The following FLNB variants were observed in gnomAD, a reference collection of about 807,000 sequenced individuals.
FLNB encodes filamin-B.
A neutral mutation model predicts 250.6 loss-of-function variants in FLNB; 111 were observed. The observed-to-expected ratio is 0.44, with a 90% CI of 0.38 to 0.52. FLNB has a LOEUF of 0.52. FLNB is among the 20% of genes least tolerant of loss of function. The pLI, the probability that FLNB is intolerant of heterozygous loss-of-function variation, is 0.00. For missense variants in FLNB, 2,869 were observed against 3,447.8 expected, an observed-to-expected ratio of 0.83 and a Z score of 4.20; for synonymous variants, 1,302 against 1,372.1, an observed-to-expected ratio of 0.95 and a Z score of 1.13.
At position 58,171,682 on chromosome 3, in the gene FLNB, A is replaced by G. The variant is rs1375095986; in HGVS notation, c.*920A>G. ...GCCCATGGATTAACGCCCTCATCCCAAGGTCCGTCCCATGACATAACACTC... is the reference window on the plus strand; with the variant it reads ...GCCCATGGATTAACGCCCTCATCCCGAGGTCCGTCCCATGACATAACACTC... On this transcript the variant is annotated 3_prime_UTR_variant, in exon 46 of 46. Transcript: ENST00000295956. The surrounding 1 kb of genome is among the most constrained non-coding windows in gnomAD (Gnocchi z 5.5). The G allele has an allele frequency of 6.6e-6, 1 of 152,356 alleles. No homozygotes were observed. The highest frequency in any genetic ancestry group is 1.5e-5 in the Non-Finnish European group (1 of 68,180). The allele number at this position is 152,356 out of a possible 1,614,324, so 9.4% of individuals were successfully genotyped here. A position where few individuals can be genotyped will look rare whatever the true frequency, so the allele number is the denominator to read the frequency against.
rs772831875 is a variant in FLNB at position 58,110,174 on chromosome 3, C to T, written c.2484+4C>T. Reference sequence around the variant, plus strand: ...CAAAGTTCTCTTTGCATCTCAGGTACGTGGTGGGGCCTGGGAGGAGATGGG... The same window carrying T: ...CAAAGTTCTCTTTGCATCTCAGGTATGTGGTGGGGCCTGGGAGGAGATGGG... On this transcript the variant is annotated splice_donor_region_variant and intron_variant, in intron 16 of 45. Transcript: ENST00000295956. 9.3e-6 allele frequency: 15 copies of T among 1,614,036 alleles called. No individual in the cohort carries two copies. The South Asian group carries it at 1.2e-4, about 13-fold the overall frequency.
Position 58,142,555 on chromosome 3 carries a change from T to G in FLNB, c.5182-95T>G. ...CCGCATTCCCAAATCCCGGCCTCACTGGCTTGTAGAATTCCCAGCAGCTCT... is the reference window on the plus strand; with the variant it reads ...CCGCATTCCCAAATCCCGGCCTCACGGGCTTGTAGAATTCCCAGCAGCTCT... On this transcript the variant is annotated intron_variant, in intron 30 of 45. Transcript: ENST00000295956. This position sits in a 1 kb window ranked among gnomAD's most constrained non-coding sequence, Gnocchi z 4.3. 1 of 1,088,380 alleles carries G rather than the reference T, an allele frequency of 9.2e-7. No individual in the cohort carries two copies. Among genetic ancestry groups the G allele is most frequent in the Non-Finnish European group, 1.4e-6 (1 of 719,124 alleles). 67.4% of individuals were successfully genotyped at this position (1,088,380 alleles called of 1,614,324 possible).
At chr3:58,150,076 G>A (rs1258722124) in intron 37 of FLNB, 29 bp from the exon 38 acceptor site, 3 of 1,614,160 alleles carry the variant, frequency 1.9e-6, no homozygotes, top group African/African-American at 2.7e-5. Context: ...CCTCTGGCCT[G>A]CTCACAGGAG....
At position 58,123,694 on chromosome 3, in the gene FLNB, G is replaced by C. The variant is rs993620203; in HGVS notation, c.3724+4G>C. ...GGACCAGGAATAGAAGGGAAAGGTG[G>C]GTTTCATTTAAAAAAAAAAAAAAAA... On this transcript the variant is annotated splice_donor_region_variant and intron_variant, in intron 21 of 45. Coordinates refer to ENST00000295956, the MANE Select transcript of FLNB (RefSeq NM_001457.4). 2.5e-5 allele frequency: 37 copies of C among 1,506,636 alleles called. No individual in the cohort carries two copies. The highest frequency in any genetic ancestry group is 3.3e-5 in the Non-Finnish European group (37 of 1,105,868). The allele number at this position is 1,506,636 out of a possible 1,614,324, so 93.3% of individuals were successfully genotyped here.
At chr3:58,043,374 A>G (rs2097149075) in intron 1 of FLNB, among the ~76,000 whole-genome samples, 1 of 152,024 alleles carries the variant, frequency 6.6e-6, no homozygotes, top group Non-Finnish European at 1.5e-5. Flanking sequence ...TTTTGAGTAC[A>G]AGTGAGAGAA....
intron 32 of FLNB, among the ~76,000 whole-genome samples, chr3:58,145,660 T>C (rs766343403): frequency 6.6e-6 from 1 of 152,218 alleles, no homozygotes; most frequent in Non-Finnish European, 1.5e-5. Context: ...TACCTTACCT[T>C]AGCCCCCTTC....
chr3:58,150,777 AT>A (rs1373601204), intron 38 of FLNB: 2 of 164,358 alleles, frequency 1.2e-5, no homozygotes, highest in Non-Finnish European at 2.7e-5. Flanking sequence ...TCTATAAAGA[AT>A]CCTTCCAGAG....
In FLNB at chr3:58,121,438, G is replaced by A. The variant is rs770173477; in HGVS notation, c.3061G>A (p.Asp1021Asn). ...GCTGTATGCTGTAGACGTGACCTAC[G>A]ATGGACACCCTGTGCCCGGGAGCCC... is the stretch of plus-strand genomic sequence containing the variant. ...EGLYAVDVTY[D>N]GHPVPGSPYT... The change falls in exon 20 of 46, where the codon GAT becomes AAT. Residue 1021 changes from aspartate (D) to asparagine (N), a missense_variant. Physicochemically the swap from Asp to Asn is conservative, Grantham distance 23. This residue lies in a region of FLNB where 1,348 missense variants were observed against 1,466.7 expected (regional missense o/e 0.92). Coordinates refer to ENST00000295956, the MANE Select transcript of FLNB (RefSeq NM_001457.4). The A allele has an allele frequency of 3.1e-6, 5 of 1,613,948 alleles. No homozygotes were observed. Among genetic ancestry groups the A allele is most frequent in the African/African-American group, 2.7e-5 (2 of 74,892 alleles).
At chr3:58,102,096 T>C in intron 8 of FLNB, 107 bp from the exon 9 acceptor site, 1 of 1,323,366 alleles carries the variant, frequency 7.6e-7, no homozygotes, top group Non-Finnish European at 1.1e-6. Context: ...TGCATACTAT[T>C]TGTGCAAAGC....
At chr3:58,095,075 A>G in intron 5 of FLNB, 121 bp downstream of exon 5, 1 of 833,758 alleles carries the variant, frequency 1.2e-6, no homozygotes, top group Non-Finnish European at 2.1e-6. Context: ...GTTTTTTACC[A>G]AAAGGATACT....
At chr3:58,136,223 G>T in intron 28 of FLNB, 55 bp downstream of exon 28, 2 of 1,571,982 alleles carry the variant, frequency 1.3e-6, no homozygotes, top group Non-Finnish European at 1.7e-6. Context: ...CAGAAAGCCG[G>T]GCCGTAGCCC....
chr3:58,134,404 A>G (rs1231963876), intron 26 of FLNB, among the ~76,000 whole-genome samples: 65 of 152,190 alleles, frequency 4.3e-4, no homozygotes, highest in South Asian at 2.1e-4. Context: ...GCTGCCTTGG[A>G]ACACACTCAG....
intron 1 of FLNB, among the ~76,000 whole-genome samples, chr3:58,041,828 G>C (rs1402751990): frequency 1.3e-5 from 2 of 152,076 alleles, no homozygotes; most frequent in African/African-American, 2.4e-5. Flanking sequence ...GAAGCTTCCC[G>C]AGCAGCTTGT....
chr3:58,059,082 TCC>T (rs1215579199), intron 1 of FLNB, among the ~76,000 whole-genome samples: 3 of 152,202 alleles, frequency 2.0e-5, no homozygotes, highest in Non-Finnish European at 4.4e-5. Context: ...CTCTGAGAAG[TCC>T]TGCAGCAGTT....
At chr3:58,093,102 C>G (rs2097230982) in intron 4 of FLNB, among the ~76,000 whole-genome samples, 1 of 152,202 alleles carries the variant, frequency 6.6e-6, no homozygotes, top group African/African-American at 2.4e-5. Flanking sequence ...ATTACCCCTT[C>G]CTCATGTTAT....
chr3:58,115,965 A>G (rs1184811184), intron 18 of FLNB, among the ~76,000 whole-genome samples: 2 of 151,940 alleles, frequency 1.3e-5, no homozygotes, highest in South Asian at 2.1e-4. Flanking sequence ...AACACATTAA[A>G]TCTCTCCTTA....
intron 28 of FLNB, 68 bp downstream of exon 28, chr3:58,136,236 C>T (rs1278153858): frequency 2.5e-5 from 37 of 1,504,988 alleles, no homozygotes; most frequent in Non-Finnish European, 3.3e-5. Flanking sequence ...CGTAGCCCTT[C>T]TCTGTGACTT....
chr3:58,068,175 G>A (rs536671016), intron 1 of FLNB, among the ~76,000 whole-genome samples: 2 of 152,350 alleles, frequency 1.3e-5, no homozygotes, highest in South Asian at 2.1e-4. Context: ...GACTTCCAGG[G>A]GAGGCTGACT....
Position 58,124,441 on chromosome 3 carries a change from C to T in FLNB, c.3834C>T (p.Thr1278=), listed in dbSNP as rs766789114. Residue 1278 remains threonine (T), a synonymous_variant, in exon 22 of 46, where the codon ACC becomes ACT. Transcript: ENST00000295956. ...AHIANPSGAS[T]ECFVTDNADG... is the part of the protein sequence containing the mutation. ...TTGCCAACCCCTCAGGGGCCTCCACCGAGTGCTTTGTCACAGACAATGCGG... is the reference window on the plus strand; with the variant it reads ...TTGCCAACCCCTCAGGGGCCTCCACTGAGTGCTTTGTCACAGACAATGCGG... 4.3e-6 allele frequency: 7 copies of T among 1,614,090 alleles called. No homozygotes were observed. Among genetic ancestry groups the T allele is most frequent in the Admixed American group, 1.7e-5 (1 of 60,014 alleles).
Sources: allele counts gnomAD v4.1 joint callset (sites outside exome capture counted in the v4.1 genomes callset), GRCh38; gene constraint gnomAD v4.1.1; regional missense constraint gnomAD v4.1.1; non-coding constraint Gnocchi (gnomAD v3.1); transcripts MANE v1.5; gene names NCBI Gene and HGNC (gene_info 2026-07-23, HGNC 2026-07-21).